Variants in CENPI observed in about 807,000 individuals in gnomAD.
CENPI encodes FSH primary response 1.
A neutral mutation model predicts 60.4 loss-of-function variants in CENPI; 4 were observed. That is an observed-to-expected ratio of 0.07 (90% CI 0.03 to 0.15). The LOEUF (loss-of-function observed/expected upper bound fraction) is 0.15. Ranked by LOEUF, CENPI falls within the 10% of genes least tolerant of loss-of-function variation. The pLI is 1.00. For missense variants in CENPI, 444 were observed against 534.5 expected (o/e 0.83, Z 1.67); for synonymous variants, 157 against 189.4 (o/e 0.83, Z 1.40).
rs2089412979 is a variant in CENPI, at chrX:101,101,250, A to T, written c.180A>T (p.Gln60His). The change falls in exon 3 of 22, where the codon CAA becomes CAT. Residue 60 changes from glutamine (Q) to histidine (H), a missense_variant. Coordinates refer to ENST00000682095, the MANE Select transcript of CENPI (RefSeq NM_001386188.2). ...PVGDYEHADD[Q>H]AEEDALQMAV... Reference sequence around the variant, plus strand: ...GAGATTATGAACATGCTGATGATCAAGCTGAAGAAGATGCTTTGCAAATGG... The same window carrying T: ...GAGATTATGAACATGCTGATGATCATGCTGAAGAAGATGCTTTGCAAATGG... The T allele has an allele frequency of 2.5e-6, 3 of 1,210,043 alleles. No individual in the cohort carries two copies. Among genetic ancestry groups the T allele is most frequent in the Non-Finnish European group, 3.4e-6 (3 of 893,765 alleles).
At chrX:101,127,097 A>T (rs758406079) in intron 9 of CENPI, 41 bp from the exon 10 acceptor site, 33 of 1,067,265 alleles carry the variant, frequency 3.1e-5, no homozygotes, top group Non-Finnish European at 3.9e-5. Flanking sequence ...GCTTCAGTTT[A>T]TGGGTACCTA....
chrX:101,150,428 T>C (rs1032585748), intron 20 of CENPI, among the ~76,000 whole-genome samples: 10 of 109,954 alleles, frequency 9.1e-5, no homozygotes, highest in African/African-American at 3.0e-4. Flanking sequence ...TGGAGTGCAG[T>C]GTCGCAATCT....
intron 20 of CENPI, among the ~76,000 whole-genome samples, chrX:101,160,075 A>T (rs982433452): frequency 8.9e-6 from 1 of 112,247 alleles, no homozygotes; most frequent in Non-Finnish European, 1.9e-5. Flanking sequence ...CTTCTAAGAG[A>T]TCAGATACAT....
intron 20 of CENPI, among the ~76,000 whole-genome samples, chrX:101,160,248 A>T (rs1361007488): frequency 9.0e-6 from 1 of 111,153 alleles, no homozygotes; most frequent in East Asian, 2.8e-4. Flanking sequence ...ATCCTCAAAA[A>T]CCCAATGATT....
chrX:101,169,645 T>A (rs55824570), downstream of CENPI, among the ~76,000 whole-genome samples: 26,338 of 111,262 alleles, frequency 0.24, 2,273 homozygotes, highest in South Asian at 0.34. Context: ...TTAAAAAGTT[T>A]ACTGTAAAAC....
chrX:101,103,491 G>A lies in CENPI; in HGVS notation c.364+1080G>A, dbSNP rs1264226308. 6.3e-5 allele frequency among the ~76,000 whole-genome samples: 7 copies of A among 110,423 alleles called. No homozygotes were observed. The Admixed American group carries it at 6.8e-4, about 11-fold the overall frequency. ...TGAGTAGCTGGGATTACAGGCATGC[G>A]CCACCACGCCTGACTAGTTTTGTAT... On this transcript the variant is annotated intron_variant, in intron 4 of 21. Transcript: ENST00000682095.
the CENPI span, among the ~76,000 whole-genome samples, chrX:101,175,255 A>G: frequency 8.9e-6 from 1 of 112,737 alleles, no homozygotes; most frequent in Non-Finnish European, 1.9e-5. Context: ...AGCAATGTTT[A>G]GAATCCCATG....
Position 101,101,134 on chromosome X carries a change from A to G in CENPI, c.64A>G (p.Ser22Gly), listed in dbSNP as rs756978716. 1.1e-4 allele frequency: 132 copies of G among 1,209,901 alleles called. 2 individuals are homozygous for G. The Middle Eastern group carries it at 1.1e-3, about 11-fold the overall frequency. The change falls in exon 3 of 22, where the codon AGT becomes GGT. Residue 22 changes from serine (S) to glycine (G), a missense_variant. By Grantham distance (56) the Ser-to-Gly change is moderately conservative (BLOSUM62 0). Coordinates refer to ENST00000682095, the MANE Select transcript of CENPI (RefSeq NM_001386188.2). The stretch of plus-strand genomic sequence containing the variant: ...AAACAGGACTTCACAAGGTAGTAGT[A>G]GTTTTCAGACCACGCTTTCAGCCTG... ...AQNRTSQGSS[S>G]FQTTLSAWKV... is the part of the protein sequence containing the mutation.
At chrX:101,156,062 G>T (rs1185272285) in intron 20 of CENPI, among the ~76,000 whole-genome samples, 2 of 110,151 alleles carry the variant, frequency 1.8e-5, no homozygotes, top group Non-Finnish European at 3.8e-5. Flanking sequence ...ACCCAGGCTG[G>T]AGTGCAATGG....
chrX:101,104,506 A>G (rs1207792385), intron 4 of CENPI, among the ~76,000 whole-genome samples: 2 of 111,521 alleles, frequency 1.8e-5, no homozygotes, highest in Non-Finnish European at 3.8e-5. Flanking sequence ...TTGCTTAAAG[A>G]TGTCCAAACT....
intron 16 of CENPI, among the ~76,000 whole-genome samples, chrX:101,143,488 CCCTTT>C (rs2089934011): frequency 9.0e-6 from 1 of 111,599 alleles, no homozygotes; most frequent in African/African-American, 3.3e-5. Flanking sequence ...TTTGCTAATT[CCCTTT>C]TAGGGTTGAA....
intron 18 of CENPI, 136 bp downstream of exon 18, chrX:101,146,413 C>A: frequency 1.7e-6 from 1 of 581,002 alleles, no homozygotes; most frequent in Non-Finnish European, 2.6e-6. Flanking sequence ...TGCTTTTGGA[C>A]ATGACCTTCC....
At chrX:101,162,154 G>T (rs1362649575) in intron 21 of CENPI, among the ~76,000 whole-genome samples, 1 of 109,111 alleles carries the variant, frequency 9.2e-6, no homozygotes, top group Non-Finnish European at 1.9e-5. Context: ...TTGGCCAGCT[G>T]GTCTCGAACT....
chrX:101,140,082 C>T (rs796640562), intron 15 of CENPI, among the ~76,000 whole-genome samples: 23 of 111,778 alleles, frequency 2.1e-4, no homozygotes, highest in Middle Eastern at 4.6e-3. Flanking sequence ...CTGATCCGCC[C>T]GCCTCGGCCT....
Position 101,133,606 on chromosome X carries a change from C to T in CENPI, c.1470+1150C>T, listed in dbSNP as rs187454289. 5.3e-4 allele frequency among the ~76,000 whole-genome samples: 58 copies of T among 109,958 alleles called. 1 individual carries two copies. The East Asian group carries it at 0.011, about 21-fold the overall frequency. On this transcript the variant is annotated intron_variant, in intron 15 of 21. Transcript: ENST00000682095. ...AAGCTAAAAACAGAACTCGGGAATGCACAGTATTTAATTCTCAGGCCAAGA... is the reference window on the plus strand; with the variant it reads ...AAGCTAAAAACAGAACTCGGGAATGTACAGTATTTAATTCTCAGGCCAAGA...
chrX:101,171,354 A>G, the CENPI span, among the ~76,000 whole-genome samples: 2 of 112,350 alleles, frequency 1.8e-5, no homozygotes, highest in Non-Finnish European at 1.9e-5. Context: ...TACTGTGACA[A>G]TAGAATCCAG....
the CENPI span, among the ~76,000 whole-genome samples, chrX:101,176,612 T>TA: frequency 1.8e-5 from 2 of 112,436 alleles, no homozygotes; most frequent in Non-Finnish European, 3.8e-5. Flanking sequence ...GCTCACTTTT[T>TA]AATGGGTTTG....
intron 20 of CENPI, among the ~76,000 whole-genome samples, chrX:101,158,831 A>AT (rs1267267263): frequency 1.8e-5 from 2 of 109,888 alleles, no homozygotes; most frequent in South Asian, 3.9e-4. Flanking sequence ...GGGTTTCGCC[A>AT]TGTTGGTCAG....
At chrX:101,126,651 G>A (rs2089738981) in intron 8 of CENPI, 58 bp from the exon 9 acceptor site, 1 of 906,860 alleles carries the variant, frequency 1.1e-6, no homozygotes, top group Non-Finnish European at 1.6e-6. Context: ...ATTGGTATTT[G>A]TTTCCTCAGT....
Sources: allele counts gnomAD v4.1 joint callset (sites outside exome capture counted in the v4.1 genomes callset), GRCh38; gene constraint gnomAD v4.1.1; transcripts MANE v1.5; gene names NCBI Gene and HGNC (gene_info 2026-07-23, HGNC 2026-07-21).